EML6: variants seen among roughly 807,000 people sequenced by gnomAD.
EML6 encodes echinoderm microtubule-associated protein-like 6.
EML6 carries 154 observed loss-of-function variants against 240.1 expected under a neutral mutation model. The ratio of observed to expected loss-of-function variants is 0.64; its 90% confidence interval spans 0.56 to 0.73. The LOEUF is 0.73. EML6 is among the 30% of genes least tolerant of loss of function. EML6 has a pLI of 0.00. For synonymous variants in EML6, 1,148 were observed against 899.0 expected, an observed-to-expected ratio of 1.28 and a Z score of -4.95; for missense variants, 2,964 against 2,474.6, an observed-to-expected ratio of 1.20 and a Z score of -4.20.
intron 2 of EML6, among the ~76,000 whole-genome samples, chr2:54,812,526 AT>A (rs3841892): frequency 0.67 from 101,256 of 150,726 alleles, 34,067 homozygotes; most frequent in African/African-American, 0.73. Context: ...CATTAGGGTG[AT>A]TTTTTTTTTT....
chr2:54,863,409 C>T (rs974050059), intron 12 of EML6, among the ~76,000 whole-genome samples: 1 of 152,164 alleles, frequency 6.6e-6, no homozygotes, highest in African/African-American at 2.4e-5. Flanking sequence ...GTAGTCCCAG[C>T]TGCCAGGAGG....
intron 26 of EML6, among the ~76,000 whole-genome samples, chr2:54,925,261 G>A (rs142762753): frequency 6.6e-5 from 10 of 152,268 alleles, no homozygotes; most frequent in Middle Eastern, 3.4e-3. Flanking sequence ...AAGAGAGCCC[G>A]CACCAGGAAC....
chr2:54,765,687 C>T (rs1321232260), intron 2 of EML6, among the ~76,000 whole-genome samples: 1 of 152,146 alleles, frequency 6.6e-6, no homozygotes, highest in Non-Finnish European at 1.5e-5. Flanking sequence ...GTCTCGATCT[C>T]CTGACCTCGT....
chr2:54,851,576 G>C (rs888543007), intron 10 of EML6, among the ~76,000 whole-genome samples: 2 of 152,146 alleles, frequency 1.3e-5, no homozygotes, highest in African/African-American at 2.4e-5. Flanking sequence ...CTGTATGCTC[G>C]AAGTATTTCA....
intron 30 of EML6, among the ~76,000 whole-genome samples, chr2:54,952,191 C>G (rs770119115): frequency 2.0e-5 from 3 of 152,164 alleles, no homozygotes; most frequent in Admixed American, 6.5e-5. Context: ...AGCATCATCT[C>G]CAGGCCTCCA....
chr2:54,780,050 G>C (rs1487401449), intron 2 of EML6, among the ~76,000 whole-genome samples: 2 of 151,834 alleles, frequency 1.3e-5, no homozygotes, highest in Admixed American at 1.3e-4. Flanking sequence ...CTCCTAATTC[G>C]GCTTTCCAAA....
At chr2:54,810,176 A>G (rs948659036) in intron 2 of EML6, among the ~76,000 whole-genome samples, 5 of 152,220 alleles carry the variant, frequency 3.3e-5, no homozygotes, top group African/African-American at 9.6e-5. Flanking sequence ...TAAAGAGATG[A>G]TTTAACAAAC....
At chr2:54,949,014 T>C (rs1675830109) in intron 29 of EML6, 54 bp downstream of exon 29, 2 of 1,301,104 alleles carry the variant, frequency 1.5e-6, no homozygotes, top group Admixed American at 4.0e-5. Flanking sequence ...ACATACCTGG[T>C]AGACATCCCC....
intron 12 of EML6, among the ~76,000 whole-genome samples, chr2:54,862,139 C>T (rs201401783): frequency 6.6e-6 from 1 of 151,680 alleles, no homozygotes; most frequent in East Asian, 1.9e-4. Context: ...AGTTTGAACA[C>T]CAGCCTGGCC....
chr2:54,868,998 TGA>T (rs1393475405), intron 14 of EML6, 181 bp from the exon 15 acceptor site: 2 of 511,370 alleles, frequency 3.9e-6, no homozygotes, highest in African/African-American at 1.9e-5. Flanking sequence ...TGTGCCTTTT[TGA>T]GAGTCATCTC....
At chr2:54,931,799 C>A (rs760332812) in intron 28 of EML6, among the ~76,000 whole-genome samples, 10 of 152,182 alleles carry the variant, frequency 6.6e-5, no homozygotes, top group Non-Finnish European at 1.5e-4. Context: ...TGTCACTTAG[C>A]AATGTTTCAG....
intron 7 of EML6, among the ~76,000 whole-genome samples, chr2:54,840,710 T>A (rs1669398740): frequency 1.3e-5 from 2 of 152,262 alleles, no homozygotes; most frequent in African/African-American, 4.8e-5. Context: ...CTCAGTAATC[T>A]TTATTGAGCA....
chr2:54,738,600 A>G (rs1347796418), intron 2 of EML6, among the ~76,000 whole-genome samples: 1 of 152,172 alleles, frequency 6.6e-6, no homozygotes, highest in Non-Finnish European at 1.5e-5. Context: ...GGTGACCTCC[A>G]TCCTCACTTT....
At chr2:54,957,729 G>T in intron 32 of EML6, 61 bp from the exon 33 acceptor site, 1 of 1,488,334 alleles carries the variant, frequency 6.7e-7, no homozygotes, top group East Asian at 2.5e-5. Context: ...CTGGGCTGCG[G>T]CTCCCCCGGC....
chr2:54,783,464 C>A (rs565282220), intron 2 of EML6, among the ~76,000 whole-genome samples: 1 of 152,280 alleles, frequency 6.6e-6, no homozygotes, highest in East Asian at 1.9e-4. Flanking sequence ...TTTAAAAGTT[C>A]TTTTCATATC....
intron 24 of EML6, among the ~76,000 whole-genome samples, chr2:54,908,498 A>G (rs761071869): frequency 1.8e-4 from 27 of 152,220 alleles, no homozygotes; most frequent in Admixed American, 3.9e-4. Context: ...GATATTTTAT[A>G]GAATCCAAGA....
intron 2 of EML6, among the ~76,000 whole-genome samples, chr2:54,811,239 A>G (rs201277198): frequency 6.6e-6 from 1 of 152,238 alleles, no homozygotes; most frequent in East Asian, 1.9e-4. Context: ...GGAACTGTTT[A>G]TGCTGTGTCC....
intron 28 of EML6, among the ~76,000 whole-genome samples, chr2:54,934,329 G>A (rs961957756): frequency 3.3e-5 from 5 of 151,986 alleles, no homozygotes; most frequent in South Asian, 2.1e-4. Context: ...GTATCCTCCC[G>A]CCCTCCCATG....
rs1017882157 is a variant in EML6, at chr2:54,850,217, A to G, written c.1443A>G (p.Pro481=). ...GAGAACGATTGTTCTACAGAATGCC[A>G]TGTAAGTCATGTGGAGGCCTTGGAT... The part of the protein sequence containing the change: ...GAGERLFYRM[P]SGKPLTSKEE... Residue 481 remains proline, a splice_region_variant and synonymous_variant, in exon 10 of 42, where the codon CCA becomes CCG. Transcript: ENST00000356458. 11 of 1,550,496 alleles carry G rather than the reference A, an allele frequency of 7.1e-6. No individual in the cohort carries two copies. The highest frequency in any genetic ancestry group is 3.9e-5 in the Admixed American group (2 of 50,980).
Sources: allele counts gnomAD v4.1 joint callset (sites outside exome capture counted in the v4.1 genomes callset), GRCh38; gene constraint gnomAD v4.1.1; transcripts MANE v1.5; gene names NCBI Gene and HGNC (gene_info 2026-07-23, HGNC 2026-07-21).